Variants in RABGAP1L observed in about 807,000 individuals in gnomAD.
RABGAP1L encodes RAB GTPase activating protein 1 like.
A neutral mutation model predicts 137.7 loss-of-function variants in RABGAP1L; 63 were observed. The ratio of observed to expected loss-of-function variants is 0.46; its 90% CI spans 0.37 to 0.56. RABGAP1L has a LOEUF of 0.56. Ranked by LOEUF, RABGAP1L falls within the 20% of genes least tolerant of loss-of-function variation. RABGAP1L has a pLI of 0.00. For missense variants in RABGAP1L, 1,095 were observed against 1,244.0 expected (o/e 0.88, Z 1.80); for synonymous variants, 431 against 433.7 (o/e 0.99, Z 0.08).
chr1:174,803,666 A>G (rs923546087), intron 18 of RABGAP1L, among the ~76,000 whole-genome samples: 1 of 151,870 alleles, frequency 6.6e-6, no homozygotes, highest in Non-Finnish European at 1.5e-5. Context: ...TCTGCTGCTT[A>G]TTAGAGGCCC....
At chr1:174,636,442 C>T (rs565092193) in intron 13 of RABGAP1L, among the ~76,000 whole-genome samples, 4 of 151,590 alleles carry the variant, frequency 2.6e-5, no homozygotes, top group African/African-American at 7.3e-5. Flanking sequence ...GCAGGAGAAT[C>T]GCTTGAACCC....
chr1:174,457,769 G>T (rs2149272902), intron 13 of RABGAP1L, among the ~76,000 whole-genome samples: 1 of 152,214 alleles, frequency 6.6e-6, no homozygotes, highest in South Asian at 2.1e-4. Context: ...TTCCAGTGAT[G>T]GGACTACAGG....
chr1:174,227,504 CATT>C (rs1460009479), intron 3 of RABGAP1L, among the ~76,000 whole-genome samples: 2 of 151,932 alleles, frequency 1.3e-5, no homozygotes, highest in Non-Finnish European at 2.9e-5. Flanking sequence ...CCCAGCTGAC[CATT>C]TACCTTTGAT....
At chr1:174,406,852 T>A (rs1164432780) in intron 13 of RABGAP1L, among the ~76,000 whole-genome samples, 2 of 152,226 alleles carry the variant, frequency 1.3e-5, no homozygotes, top group African/African-American at 4.8e-5. Context: ...TGCAGTGAGC[T>A]GTGATTGTGC....
At chr1:174,958,137 A>G (rs1167614392) in intron 20 of RABGAP1L, 1 of 1,490,072 alleles carries the variant, frequency 6.7e-7, no homozygotes, top group South Asian at 1.2e-5. Flanking sequence ...TGTTAAAAAT[A>G]CCAACTCACT....
intron 18 of RABGAP1L, among the ~76,000 whole-genome samples, chr1:174,802,925 A>G (rs910787392): frequency 4.6e-5 from 7 of 152,230 alleles, no homozygotes; most frequent in African/African-American, 7.2e-5. Context: ...CAGTATTGCA[A>G]TCTTTTCATT....
chr1:174,624,363 C>T (rs1043877525), intron 13 of RABGAP1L, among the ~76,000 whole-genome samples: 5 of 152,108 alleles, frequency 3.3e-5, no homozygotes, highest in African/African-American at 1.2e-4. Context: ...TATTTCTTTC[C>T]ATTGATATGT....
intron 15 of RABGAP1L, among the ~76,000 whole-genome samples, chr1:174,684,764 C>T (rs1678333552): frequency 6.6e-6 from 1 of 152,006 alleles, no homozygotes; most frequent in Non-Finnish European, 1.5e-5. Context: ...ATCACTTGAG[C>T]CCAGGAATTT....
chr1:174,782,379 G>T (rs898596198), intron 18 of RABGAP1L, among the ~76,000 whole-genome samples: 1 of 152,078 alleles, frequency 6.6e-6, no homozygotes, highest in African/African-American at 2.4e-5. Flanking sequence ...TCTGTTATTG[G>T]TGTATAAGAA....
At chr1:174,176,713 G>GAAAAAAAAAAAAAAAAAAAAA (rs71563251) in intron 1 of RABGAP1L, among the ~76,000 whole-genome samples, 2 of 21,548 alleles carry the variant, frequency 9.3e-5, no homozygotes, top group African/African-American at 2.9e-4. Flanking sequence ...CCCTTTTTCA[G>GAAAAAAAAAAAAAAAAAAAAA]AAAAAAAAAA....
intron 13 of RABGAP1L, among the ~76,000 whole-genome samples, chr1:174,617,878 A>G (rs1217371783): frequency 6.6e-6 from 1 of 152,222 alleles, no homozygotes; most frequent in African/African-American, 2.4e-5. Flanking sequence ...GGTGCAGGAC[A>G]GTGGGTGCAG....
chr1:174,514,852 G>C (rs1662674127), intron 13 of RABGAP1L, among the ~76,000 whole-genome samples: 1 of 152,094 alleles, frequency 6.6e-6, no homozygotes, highest in South Asian at 2.1e-4. Context: ...AATCATTTTA[G>C]TCTTAGAACT....
intron 13 of RABGAP1L, among the ~76,000 whole-genome samples, chr1:174,568,094 G>A (rs772688281): frequency 4.6e-5 from 7 of 152,104 alleles, no homozygotes; most frequent in Non-Finnish European, 1.0e-4. Flanking sequence ...TCTGCTTCTG[G>A]TGAGGACCCC....
chr1:174,365,594 C>G (rs78186845), intron 11 of RABGAP1L, among the ~76,000 whole-genome samples: 9,229 of 152,176 alleles, frequency 0.061, 974 homozygotes, highest in African/African-American at 0.21. Context: ...TAGGATGGCT[C>G]TATCCTCCGC....
At chr1:174,577,355 T>G (rs970921769) in intron 13 of RABGAP1L, among the ~76,000 whole-genome samples, 4 of 151,546 alleles carry the variant, frequency 2.6e-5, no homozygotes, top group Admixed American at 1.3e-4. Flanking sequence ...AATATGTACA[T>G]ATAGTCAATG....
At chr1:174,374,147 T>C (rs1013266503) in intron 12 of RABGAP1L, among the ~76,000 whole-genome samples, 1 of 152,210 alleles carries the variant, frequency 6.6e-6, no homozygotes, top group African/African-American at 2.4e-5. Flanking sequence ...AGCGTATGCA[T>C]TGATACCACA....
intron 24 of RABGAP1L, among the ~76,000 whole-genome samples, chr1:174,984,694 A>G (rs1480233701): frequency 2.0e-5 from 3 of 152,226 alleles, no homozygotes; most frequent in Non-Finnish European, 2.9e-5. Flanking sequence ...GTGAGCCGAC[A>G]TTGTGCCACT....
intron 11 of RABGAP1L, among the ~76,000 whole-genome samples, chr1:174,344,603 G>GTCA (rs1194528842): frequency 1.3e-5 from 2 of 152,202 alleles, no homozygotes; most frequent in Non-Finnish European, 2.9e-5. Flanking sequence ...AAGAGATAGA[G>GTCA]TCATCTACTG....
At chr1:174,569,135 CT>C (rs1230141422) in intron 13 of RABGAP1L, among the ~76,000 whole-genome samples, 1 of 152,114 alleles carries the variant, frequency 6.6e-6, no homozygotes, top group East Asian at 1.9e-4. Context: ...CCTTTCTCAC[CT>C]TTTCCCCATA....
Sources: allele counts gnomAD v4.1 joint callset (sites outside exome capture counted in the v4.1 genomes callset), GRCh38; gene constraint gnomAD v4.1.1; transcripts MANE v1.5; gene names NCBI Gene and HGNC (gene_info 2026-07-23, HGNC 2026-07-21).